PLXNA4: variants seen among roughly 807,000 people sequenced by gnomAD.
PLXNA4 encodes the protein plexin-A4.
A neutral mutation model predicts 191.8 loss-of-function variants in PLXNA4; 44 were observed. The ratio of observed to expected loss-of-function variants is 0.23; its 90% CI spans 0.18 to 0.29. The LOEUF is 0.29. PLXNA4 is among the 10% of genes least tolerant of loss of function. The pLI is 1.00. For missense variants in PLXNA4, 1,800 were observed against 2,488.8 expected (o/e 0.72, Z 5.89); for synonymous variants, 1,082 against 1,009.5 (o/e 1.07, Z -1.36).
chr7:132,554,365 A>G (rs1436790637), intron 1 of PLXNA4, among the ~76,000 whole-genome samples: 1 of 152,128 alleles, frequency 6.6e-6, no homozygotes, highest in East Asian at 1.9e-4. Context: ...CCTCCACAAG[A>G]CCAGAGCCGG....
chr7:132,379,804 A>T (rs1186305696), intron 3 of PLXNA4, among the ~76,000 whole-genome samples: 1 of 152,254 alleles, frequency 6.6e-6, no homozygotes, highest in Non-Finnish European at 1.5e-5. Flanking sequence ...CACTCTGCAA[A>T]TTTCAAAAAC....
chr7:132,246,643 C>A (rs1799061689), intron 4 of PLXNA4, among the ~76,000 whole-genome samples: 1 of 152,142 alleles, frequency 6.6e-6, no homozygotes, highest in Non-Finnish European at 1.5e-5. Context: ...CCCTAGATCA[C>A]CTTTCTGGGA....
chr7:132,475,682 A>C (rs1337825394), intron 3 of PLXNA4, among the ~76,000 whole-genome samples: 2 of 152,112 alleles, frequency 1.3e-5, no homozygotes, highest in Admixed American at 1.3e-4. Context: ...ACTCACACTT[A>C]GGCTGGCTGC....
At chr7:132,297,707 C>A (rs914940121) in intron 4 of PLXNA4, among the ~76,000 whole-genome samples, 21 of 152,134 alleles carry the variant, frequency 1.4e-4, no homozygotes, top group Admixed American at 6.5e-5. Flanking sequence ...TTCTTGATCC[C>A]ACAGGCTTCT....
chr7:132,382,874 T>C lies in PLXNA4; in HGVS notation c.1372-84652A>G, dbSNP rs982768390. On this transcript the variant is annotated intron_variant, in intron 3 of 31. Transcript: ENST00000321063. Reference sequence around the variant, plus strand: ...GCATGTGTATATTTATATATACATATATAAACACACACAAGTATATGCATA... The same window carrying C: ...GCATGTGTATATTTATATATACATACATAAACACACACAAGTATATGCATA... 2.0e-5 allele frequency among the ~76,000 whole-genome samples: 3 copies of C among 151,898 alleles called. No homozygotes were observed. In the South Asian group the frequency reaches 6.8e-4, roughly 34 times the overall value.
rs749672143 is a variant in PLXNA4, at chr7:132,508,543, A to G, written c.151T>C (p.Phe51Leu). ...CTCTCATCCACCACCAGGTGATTGA[A>G]ACCCTCGGCGGGCTCTCCTCGGAAT... is the stretch of plus-strand genomic sequence containing the variant. ...VTFRGEPAEG[F>L]NHLVVDERTG... The change falls in exon 2 of 32, where the codon TTC becomes CTC. Residue 51 changes from phenylalanine to leucine, a missense_variant. Phe to Leu is a conservative substitution (Grantham distance 22). Coordinates refer to ENST00000321063, the MANE Select transcript of PLXNA4 (RefSeq NM_020911.2). This position sits in a 1 kb window ranked among gnomAD's most constrained non-coding sequence, Gnocchi z 4.4. The G allele has an allele frequency of 4.3e-6, 7 of 1,614,030 alleles. No individual in the cohort carries two copies. The highest frequency in any genetic ancestry group is 5.9e-6 in the Non-Finnish European group (7 of 1,180,020).
At chr7:132,303,243 A>G (rs1169332237) in intron 3 of PLXNA4, among the ~76,000 whole-genome samples, 1 of 128,108 alleles carries the variant, frequency 7.8e-6, no homozygotes, top group East Asian at 2.2e-4. Flanking sequence ...TGAAAACAGA[A>G]GTTGATTTTT....
At chr7:132,495,212 C>T (rs1165140424) in intron 2 of PLXNA4, among the ~76,000 whole-genome samples, 2 of 152,212 alleles carry the variant, frequency 1.3e-5, no homozygotes, top group Non-Finnish European at 2.9e-5. Flanking sequence ...TAGCCCCGGC[C>T]CTGGCTTGCC....
At chr7:132,549,528 T>C (rs549606575) in intron 1 of PLXNA4, among the ~76,000 whole-genome samples, 2 of 152,228 alleles carry the variant, frequency 1.3e-5, no homozygotes, top group South Asian at 4.1e-4. Context: ...ATTTGGGCCC[T>C]CCCAAGATTT....
intron 1 of PLXNA4, among the ~76,000 whole-genome samples, chr7:132,553,166 T>A (rs929416787): frequency 2.0e-5 from 3 of 152,230 alleles, no homozygotes; most frequent in Non-Finnish European, 4.4e-5. Flanking sequence ...GCCTTGCAGA[T>A]GCGTCCTGAG....
At chr7:132,626,392 C>G (rs1213200201) in intron 2 of PLXNA4, among the ~76,000 whole-genome samples, 2 of 152,160 alleles carry the variant, frequency 1.3e-5, no homozygotes, top group Non-Finnish European at 2.9e-5. Context: ...ATGTCGCTGC[C>G]CAAATATCAT....
Position 132,507,828 on chromosome 7 carries a change from G to T in PLXNA4, c.866C>A (p.Ala289Asp), listed in dbSNP as rs200648753. Residue 289 changes from alanine to aspartate, a missense_variant, in exon 2 of 32, where the codon GCC (alanine) becomes GAC (aspartate). Around this residue, in one of 6 missense-constraint regions of PLXNA4, gnomAD observed 1,397 missense variants for 1,880.4 expected, o/e 0.74. Coordinates refer to ENST00000321063, the MANE Select transcript of PLXNA4 (RefSeq NM_020911.2). ...GGGCACCTCTACATAGGAGTTGAAG[G>T]CTGTGTCCTCCTTGCAAAGCCTCAC... ...KLVRLCKEDT[A>D]FNSYVEVPIG... 7 of 1,614,148 alleles carry T rather than the reference G, an allele frequency of 4.3e-6. No individual in the cohort carries two copies. Among genetic ancestry groups the T allele is most frequent in the Non-Finnish European group, 5.9e-6 (7 of 1,180,032 alleles).
At chr7:132,130,597 G>A in intron 31 of PLXNA4, 23 bp from the exon 32 acceptor site, 1 of 1,614,020 alleles carries the variant, frequency 6.2e-7, no homozygotes. Flanking sequence ...CAAGAACAGG[G>A]AGATTACTCA....
intron 3 of PLXNA4, among the ~76,000 whole-genome samples, chr7:132,390,588 A>G (rs529886973): frequency 6.6e-6 from 1 of 152,264 alleles, no homozygotes; most frequent in South Asian, 2.1e-4. Flanking sequence ...ATAACAATAA[A>G]AAAGAAAAGG....
chr7:132,258,818 T>A (rs768299657), intron 4 of PLXNA4, among the ~76,000 whole-genome samples: 12 of 152,214 alleles, frequency 7.9e-5, no homozygotes, highest in Non-Finnish European at 1.8e-4. Context: ...GGTAAAAACT[T>A]AGTTGCCTAA....
chr7:132,475,571 G>A (rs1797093141), intron 3 of PLXNA4, among the ~76,000 whole-genome samples: 1 of 151,976 alleles, frequency 6.6e-6, no homozygotes. Flanking sequence ...AAAAGCACAG[G>A]TCAAGGGAGA....
chr7:132,337,941 T>C (rs551102113), intron 3 of PLXNA4, among the ~76,000 whole-genome samples: 3 of 152,322 alleles, frequency 2.0e-5, no homozygotes, highest in Non-Finnish European at 2.9e-5. Flanking sequence ...CTGCTGACTG[T>C]CTGCTCTAAG....
chr7:132,578,263 G>A (rs895459813), upstream of PLXNA4, among the ~76,000 whole-genome samples: 31 of 151,886 alleles, frequency 2.0e-4, no homozygotes, highest in South Asian at 2.7e-3. Flanking sequence ...CCTCATACCC[G>A]CTCCCACCAT....
At chr7:132,609,830 G>T (rs1186058750) in intron 2 of PLXNA4, among the ~76,000 whole-genome samples, 1 of 152,174 alleles carries the variant, frequency 6.6e-6, no homozygotes, top group Non-Finnish European at 1.5e-5. Flanking sequence ...AGCAGTAGCT[G>T]GGACAACATT....
Sources: allele counts gnomAD v4.1 joint callset (sites outside exome capture counted in the v4.1 genomes callset), GRCh38; gene constraint gnomAD v4.1.1; regional missense constraint gnomAD v4.1.1; non-coding constraint Gnocchi (gnomAD v3.1); transcripts MANE v1.5; gene names NCBI Gene and HGNC (gene_info 2026-07-23, HGNC 2026-07-21).